The following PLCH1 variants were observed in gnomAD, a reference collection of about 807,000 sequenced individuals.
PLCH1 encodes the protein 1-phosphatidylinositol 4,5-bisphosphate phosphodiesterase eta-1.
PLCH1 carries 60 observed loss-of-function variants against 126.7 expected under a neutral mutation model. The ratio of observed to expected loss-of-function variants is 0.47; its 90% CI spans 0.38 to 0.59. The LOEUF (loss-of-function observed/expected upper bound fraction) is 0.59, where lower values mean the gene tolerates loss of function less well. Ranked by LOEUF, PLCH1 falls within the 20% of genes least tolerant of loss-of-function variation. PLCH1 has a pLI of 0.00. For missense variants in PLCH1, 1,723 were observed against 2,040.0 expected (o/e 0.84, Z 2.99); for synonymous variants, 719 against 734.9 (o/e 0.98, Z 0.35).
intron 10 of PLCH1, among the ~76,000 whole-genome samples, chr3:155,548,394 T>C (rs1446661423): frequency 1.3e-5 from 2 of 152,216 alleles, no homozygotes; most frequent in African/African-American, 2.4e-5. Context: ...GTTGCCACCC[T>C]TTCCCATGAG....
At position 155,553,156 on chromosome 3, in the gene PLCH1, C is replaced by G. The variant is rs1208679274; in HGVS notation, c.1190+920G>C. Among the ~76,000 whole-genome samples the G allele has an allele frequency of 3.9e-5, 6 of 152,038 alleles. No homozygotes were observed. The East Asian group carries it at 9.6e-4, about 24-fold the overall frequency. ...CTGAGATGGAGTCTCACTCTGTCACCCAGGCTGGAGTGCAGTGGTGCAATC... is the reference window on the plus strand; with the variant it reads ...CTGAGATGGAGTCTCACTCTGTCACGCAGGCTGGAGTGCAGTGGTGCAATC... On this transcript the variant is annotated intron_variant, in intron 9 of 22. Transcript: ENST00000460012.
intron 2 of PLCH1, among the ~76,000 whole-genome samples, chr3:155,667,334 T>C (rs543989551): frequency 3.7e-4 from 56 of 152,046 alleles, no homozygotes; most frequent in African/African-American, 1.3e-3. Context: ...AAGAAACAAA[T>C]AAATGATAAA....
chr3:155,486,036 C>G (rs757178002), intron 21 of PLCH1: 7 of 705,402 alleles, frequency 9.9e-6, no homozygotes, highest in Non-Finnish European at 1.7e-5. Context: ...GCAACAGATG[C>G]ATGTTTCAAA....
chr3:155,624,681 A>T (rs1408091293), intron 2 of PLCH1, among the ~76,000 whole-genome samples: 2 of 152,190 alleles, frequency 1.3e-5, no homozygotes, highest in African/African-American at 4.8e-5. Context: ...AATACAACTT[A>T]CAAGGGATGT....
At chr3:155,737,842 T>C (rs1260898455) in intron 1 of PLCH1, among the ~76,000 whole-genome samples, 1 of 152,072 alleles carries the variant, frequency 6.6e-6, no homozygotes, top group African/African-American at 2.4e-5. Flanking sequence ...TTATTAGCAC[T>C]CCATGCAGAT....
chr3:155,734,188 G>C (rs972734500), intron 1 of PLCH1, among the ~76,000 whole-genome samples: 14 of 152,056 alleles, frequency 9.2e-5, no homozygotes, highest in African/African-American at 2.7e-4. Flanking sequence ...GACAGGCACA[G>C]TGTCTCATGT....
intron 1 of PLCH1, among the ~76,000 whole-genome samples, chr3:155,729,382 G>A (rs1373936660): frequency 6.6e-6 from 1 of 152,150 alleles, no homozygotes; most frequent in Non-Finnish European, 1.5e-5. Flanking sequence ...CCACACAGCA[G>A]GGTAAGTGGG....
intron 2 of PLCH1, among the ~76,000 whole-genome samples, chr3:155,615,300 A>T (rs1735658842): frequency 6.6e-6 from 1 of 152,182 alleles, no homozygotes; most frequent in South Asian, 2.1e-4. Flanking sequence ...GTTGGCATGG[A>T]TGTTGTGAAC....
At chr3:155,620,763 AGG>A (rs1247220740) in intron 2 of PLCH1, among the ~76,000 whole-genome samples, 5 of 152,206 alleles carry the variant, frequency 3.3e-5, no homozygotes, top group Non-Finnish European at 7.3e-5. Context: ...AGCCCCAGTC[AGG>A]GACTTACAGA....
At chr3:155,459,552 C>T (rs969987762) in intron 21 of PLCH1, among the ~76,000 whole-genome samples, 1 of 152,118 alleles carries the variant, frequency 6.6e-6, no homozygotes, top group Admixed American at 6.6e-5. Flanking sequence ...AATGTTGGAA[C>T]CTCTTTGGCA....
chr3:155,513,426 C>G (rs1719875594), intron 12 of PLCH1, among the ~76,000 whole-genome samples: 1 of 152,042 alleles, frequency 6.6e-6, no homozygotes, highest in African/African-American at 2.4e-5. Context: ...AATATCCAAG[C>G]CTTATGGTTG....
At chr3:155,613,011 C>T (rs1481521968) in intron 2 of PLCH1, among the ~76,000 whole-genome samples, 1 of 151,530 alleles carries the variant, frequency 6.6e-6, no homozygotes, top group East Asian at 1.9e-4. Context: ...ATTCAAGGTT[C>T]CCATGAACAA....
At chr3:155,688,873 C>T (rs548552417) in intron 2 of PLCH1, among the ~76,000 whole-genome samples, 2 of 152,312 alleles carry the variant, frequency 1.3e-5, no homozygotes, top group South Asian at 2.1e-4. Flanking sequence ...CCAGCTTAGC[C>T]GCTGTAGAAT....
intron 2 of PLCH1, among the ~76,000 whole-genome samples, chr3:155,698,296 AC>A (rs1745988387): frequency 6.6e-6 from 1 of 152,254 alleles, no homozygotes; most frequent in African/African-American, 2.4e-5. Flanking sequence ...AATAGCATTC[AC>A]TGAGAGGCTT....
At position 155,492,827 on chromosome 3, in the gene PLCH1, G is replaced by T; in HGVS notation, c.2209C>A (p.Pro737Thr). ...TGCTTTTTGGGGTTGGCAGGAAGAG[G>T]GTCACCAGAGAAAGGGTTGAAAGTA... Reference protein sequence around the residue: ...KGTFNPFSGDPLPANPKKQLI... With the variant: ...KGTFNPFSGDTLPANPKKQLI... Residue 737 changes from proline (P) to threonine (T), a missense_variant, in exon 18 of 23, where the codon CCT becomes ACT. Pro to Thr is a conservative substitution (Grantham distance 38, BLOSUM62 -1). Coordinates refer to ENST00000460012, the MANE Select transcript of PLCH1 (RefSeq NM_014996.4). 6.2e-7 allele frequency: 1 copy of T among 1,600,972 alleles called. No homozygotes were observed. The highest frequency in any genetic ancestry group is 1.1e-5 in the South Asian group (1 of 88,396).
Position 155,669,376 on chromosome 3 carries a change from C to T in PLCH1, c.79+34770G>A, listed in dbSNP as rs144574503. On this transcript the variant is annotated intron_variant, in intron 2 of 22. Transcript: ENST00000460012. ...GGAAGATCACTTCAAGCCAGGAGTT[C>T]AAAACCAGCATGGGCAACATACTGA... Among the ~76,000 whole-genome samples the T allele has an allele frequency of 5.7e-3, 861 of 152,158 alleles. 12 individuals are homozygous for T. Among genetic ancestry groups the T allele is most frequent in the African/African-American group, 0.02 (816 of 41,520 alleles).
chr3:155,679,136 T>A (rs1744311960), intron 2 of PLCH1, among the ~76,000 whole-genome samples: 4 of 152,226 alleles, frequency 2.6e-5, no homozygotes, highest in African/African-American at 9.6e-5. Flanking sequence ...GGTTGTCATA[T>A]AAAACAAGAC....
At chr3:155,460,898 C>T (rs1246857118) in intron 21 of PLCH1, among the ~76,000 whole-genome samples, 2 of 152,150 alleles carry the variant, frequency 1.3e-5, no homozygotes, top group African/African-American at 4.8e-5. Context: ...TCCACAATTG[C>T]AGCTTCTGTG....
intron 6 of PLCH1, among the ~76,000 whole-genome samples, chr3:155,575,777 C>G (rs1335373451): frequency 6.6e-6 from 1 of 152,108 alleles, no homozygotes; most frequent in Non-Finnish European, 1.5e-5. Flanking sequence ...CCACCTCCAC[C>G]CCGCAAGTAG....
Sources: gnomAD v4.1 joint callset for allele counts (sites outside exome capture counted in the v4.1 genomes callset) on GRCh38, gnomAD v4.1.1 for gene constraint, MANE v1.5 for transcripts, NCBI Gene and HGNC (gene_info 2026-07-23, HGNC 2026-07-21) for gene names.